The following ATG7 variants were observed in gnomAD, a reference collection of about 807,000 sequenced individuals.
The protein encoded by ATG7 is autophagy related 7, also known as ubiquitin-like modifier-activating enzyme ATG7.
In ATG7, 70 loss-of-function variants were observed where a neutral mutation model predicts 82.4. The ratio of observed to expected loss-of-function variants is 0.85; its 90% CI spans 0.70 to 1.04. The LOEUF (loss-of-function observed/expected upper bound fraction) is 1.04, where lower values mean the gene tolerates loss of function less well. Ranked by LOEUF, ATG7 falls within the 50% of genes least tolerant of loss-of-function variation. The pLI is 0.00. For synonymous variants in ATG7, 287 were observed against 313.0 expected, an observed-to-expected ratio of 0.92 and a Z score of 0.88; for missense variants, 792 against 864.3, an observed-to-expected ratio of 0.92 and a Z score of 1.05.
Position 11,279,973 on chromosome 3 carries a change from A to G in ATG7, c.-365-1021A>G, listed in dbSNP as rs141334951. Reference sequence around the variant, plus strand: ...TTTTTGCCATTGAACCCTGAAATGTAGCACAGGGACAAGTATGTAACATAA... The same window carrying G: ...TTTTTGCCATTGAACCCTGAAATGTGGCACAGGGACAAGTATGTAACATAA... On this transcript the variant is annotated intron_variant, in intron 1 of 20. Coordinates refer to ENST00000693202, the MANE Select transcript of ATG7 (RefSeq NM_001349232.2). 4.8e-3 allele frequency among the ~76,000 whole-genome samples: 726 copies of G among 151,312 alleles called. 6 individuals carry two copies. The highest frequency in any genetic ancestry group is 0.017 in the African/African-American group (697 of 41,262).
At chr3:11,285,139 CT>C (rs34116945) in intron 3 of ATG7, among the ~76,000 whole-genome samples, 41,598 of 104,070 alleles carry the variant, frequency 0.4, 7,827 homozygotes, top group African/African-American at 0.47. Context: ...TGTGAGCCAC[CT>C]TTTTTTTTTT....
chr3:11,537,317 T>C (rs1022867961), intron 20 of ATG7, among the ~76,000 whole-genome samples: 9 of 152,170 alleles, frequency 5.9e-5, no homozygotes, highest in African/African-American at 1.4e-4. Flanking sequence ...CCCATTTTTT[T>C]CCTATATTTT....
chr3:11,343,952 G>A (rs570636577), intron 13 of ATG7, among the ~76,000 whole-genome samples: 145 of 152,232 alleles, frequency 9.5e-4, no homozygotes, highest in African/African-American at 3.2e-3. Flanking sequence ...GGAGCATGGT[G>A]TATCTCTTAA....
chr3:11,374,946 G>C (rs1006663650), intron 18 of ATG7, among the ~76,000 whole-genome samples: 3 of 140,330 alleles, frequency 2.1e-5, no homozygotes, highest in Non-Finnish European at 4.5e-5. Context: ...GCTCATGCCT[G>C]AAATCCTAAT....
At chr3:11,330,631 A>G (rs1305638974) in intron 9 of ATG7, among the ~76,000 whole-genome samples, 2 of 152,172 alleles carry the variant, frequency 1.3e-5, no homozygotes, top group African/African-American at 2.4e-5. Context: ...TTCTTGGAGA[A>G]TGGTATTTAG....
At chr3:11,454,407 C>T (rs1383649063) in intron 20 of ATG7, among the ~76,000 whole-genome samples, 4 of 152,124 alleles carry the variant, frequency 2.6e-5, no homozygotes, top group Admixed American at 6.6e-5. Context: ...TAAGAGGCTG[C>T]GATTAGAATT....
chr3:11,488,744 G>A (rs1402877213), intron 20 of ATG7, among the ~76,000 whole-genome samples: 1 of 152,188 alleles, frequency 6.6e-6, no homozygotes, highest in Non-Finnish European at 1.5e-5. Context: ...TGCATCCCAG[G>A]GATGAAGCCC....
chr3:11,565,654 T>C, the ATG7 span, among the ~76,000 whole-genome samples: 19 of 152,280 alleles, frequency 1.2e-4, no homozygotes, highest in African/African-American at 4.3e-4. The surrounding 1 kb of genome is among the most constrained non-coding windows in gnomAD (Gnocchi z 4.1). Flanking sequence ...CGCGCAGCTC[T>C]CTCGTCCAGG....
intron 20 of ATG7, among the ~76,000 whole-genome samples, chr3:11,515,973 G>T (rs1281283872): frequency 6.6e-6 from 1 of 151,768 alleles, no homozygotes; most frequent in African/African-American, 2.4e-5. Context: ...TTTGTGGAAG[G>T]GCAGGGTAGA....
chr3:11,374,738 G>A (rs1272468243), intron 18 of ATG7, among the ~76,000 whole-genome samples: 1 of 151,666 alleles, frequency 6.6e-6, no homozygotes, highest in Non-Finnish European at 1.5e-5. Flanking sequence ...ACCCTGTCTC[G>A]ACTAAAATTC....
intron 20 of ATG7, among the ~76,000 whole-genome samples, chr3:11,435,821 C>G (rs1265367758): frequency 6.6e-6 from 1 of 152,140 alleles, no homozygotes; most frequent in Admixed American, 6.5e-5. Context: ...TACTGGACTC[C>G]ATCAAAATTT....
intron 19 of ATG7, among the ~76,000 whole-genome samples, chr3:11,421,396 A>G (rs546870475): frequency 1.3e-5 from 2 of 152,338 alleles, no homozygotes; most frequent in African/African-American, 2.4e-5. Flanking sequence ...CATTTCAACA[A>G]TGTTCACAGC....
intron 19 of ATG7, among the ~76,000 whole-genome samples, chr3:11,418,739 A>G (rs550264533): frequency 6.6e-6 from 1 of 152,318 alleles, no homozygotes; most frequent in African/African-American, 2.4e-5. Flanking sequence ...TCACACTACT[A>G]TCAAGAACTA....
chr3:11,317,375 C>T (rs930185308), intron 9 of ATG7, among the ~76,000 whole-genome samples: 2 of 152,134 alleles, frequency 1.3e-5, no homozygotes, highest in African/African-American at 4.8e-5. Context: ...CCCCAAAGTG[C>T]AGCTCTGCCA....
At chr3:11,517,680 AAG>A (rs2092323123) in intron 20 of ATG7, among the ~76,000 whole-genome samples, 1 of 152,228 alleles carries the variant, frequency 6.6e-6, no homozygotes, top group Non-Finnish European at 1.5e-5. Flanking sequence ...AAGGGCCAGA[AAG>A]AGAATGAGGG....
chr3:11,299,194 C>A (rs1180183478), intron 4 of ATG7, 168 bp from the exon 5 acceptor site: 4 of 635,786 alleles, frequency 6.3e-6, no homozygotes, highest in Non-Finnish European at 1.1e-5. Flanking sequence ...CTGTCACATT[C>A]TGCCATTTAT....
rs750157589 is a variant in ATG7, at chr3:11,347,960, T to C, written c.1209T>C (p.Phe403=). ...SNPVRQPLYE[F]EDCLGGGKPK... is the part of the protein sequence containing the mutation. The stretch of plus-strand genomic sequence containing the variant: ...CTGTGAGGCAGCCTCTCTATGAGTT[T>C]GAAGATTGCCTAGGGGGTGGTAAGC... The change falls in exon 14 of 21, where the codon TTT becomes TTC. Residue 403 remains phenylalanine, a synonymous_variant. Coordinates refer to ENST00000693202, the MANE Select transcript of ATG7 (RefSeq NM_001349232.2). 4 of 1,614,156 alleles carry C rather than the reference T, an allele frequency of 2.5e-6. No homozygotes were observed. Among genetic ancestry groups the C allele is most frequent in the Admixed American group, 1.7e-5 (1 of 60,020 alleles).
chr3:11,364,530 C>G, intron 17 of ATG7, 129 bp from the exon 18 acceptor site: 1 of 977,372 alleles, frequency 1.0e-6, no homozygotes, highest in Non-Finnish European at 1.5e-6. Flanking sequence ...TAGTTTTTTG[C>G]TAACTTACAC....
intron 9 of ATG7, among the ~76,000 whole-genome samples, chr3:11,322,004 G>GC (rs1275446640): frequency 6.6e-6 from 1 of 152,110 alleles, no homozygotes; most frequent in Non-Finnish European, 1.5e-5. Flanking sequence ...CAGTTCAGCA[G>GC]CCCCCGGGAC....
Sources: allele counts gnomAD v4.1 joint callset (sites outside exome capture counted in the v4.1 genomes callset), GRCh38; gene constraint gnomAD v4.1.1; non-coding constraint Gnocchi (gnomAD v3.1); transcripts MANE v1.5; gene names NCBI Gene and HGNC (gene_info 2026-07-23, HGNC 2026-07-21).